PJA2: variants seen among roughly 807,000 people sequenced by gnomAD.
The protein encoded by PJA2 is E3 ubiquitin-protein ligase Praja-2.
PJA2 carries 25 observed loss-of-function variants against 69.3 expected under a neutral mutation model. The ratio of observed to expected loss-of-function variants is 0.36; its 90% CI spans 0.26 to 0.50. The LOEUF is 0.50. Among genes scored for constraint, PJA2 ranks in the 20% least tolerant of loss-of-function variants. PJA2 has a pLI of 0.96. For missense variants in PJA2, 809 were observed against 830.2 expected (o/e 0.97, Z 0.31); for synonymous variants, 308 against 277.8 (o/e 1.11, Z -1.08).
chr5:109,383,716 T>C (rs768591517), intron 1 of PJA2, among the ~76,000 whole-genome samples, 196 bp from the exon 2 acceptor site: 2 of 152,174 alleles, frequency 1.3e-5, no homozygotes, highest in African/African-American at 2.4e-5. Flanking sequence ...CAAATCAGTT[T>C]GAGCTCAGGA....
rs1762287103 is a variant in PJA2, at chr5:109,353,013, TATATCTATAGATATCTATATATTAGATAC to T, written c.1764+2873_1764+2901del. 3.2e-5 allele frequency among the ~76,000 whole-genome samples: 4 copies of T among 123,846 alleles called. 1 individual carries two copies. The highest frequency in any genetic ancestry group is 9.1e-5 in the African/African-American group (3 of 32,990). The allele number at this position is 123,846 out of a possible 152,430, so 81.2% of individuals were successfully genotyped here. A position where few individuals can be genotyped will look rare whatever the true frequency, so the allele number is the denominator to read the frequency against. Reference sequence around the variant, plus strand: ...TATAGATATCTATATATTAGATACCTATATCTATAGATATCTATATATTAGATACCTATATCATAGACATCTATATATTA... The same window carrying T: ...TATAGATATCTATATATTAGATACCTCTATATCATAGACATCTATATATTA... On this transcript the variant is annotated intron_variant, in intron 7 of 9. Coordinates refer to ENST00000361189, the MANE Select transcript of PJA2 (RefSeq NM_014819.5).
At chr5:109,376,337 C>T (rs1746887269) in intron 4 of PJA2, among the ~76,000 whole-genome samples, 3 of 146,636 alleles carry the variant, frequency 2.0e-5, no homozygotes, top group South Asian at 2.1e-4. Context: ...ATAAGAATTA[C>T]AAATAACTAA....
At chr5:109,404,073 A>AAAC (rs139131450) in intron 1 of PJA2, among the ~76,000 whole-genome samples, 112 of 150,394 alleles carry the variant, frequency 7.4e-4, no homozygotes, top group East Asian at 3.9e-3. Context: ...TCCATCTCAA[A>AAAC]AACAACAACA....
chr5:109,386,328 T>C (rs1235336502), intron 1 of PJA2, among the ~76,000 whole-genome samples: 1 of 152,094 alleles, frequency 6.6e-6, no homozygotes, highest in Non-Finnish European at 1.5e-5. Flanking sequence ...CACTGACCAC[T>C]TAGCAACATG....
intron 9 of PJA2, among the ~76,000 whole-genome samples, chr5:109,340,769 G>A (rs560474790): frequency 0.035 from 3,551 of 100,320 alleles, 161 homozygotes; most frequent in Non-Finnish European, 0.045. Flanking sequence ...TCCTGCCTCA[G>A]CCTGCCCAGT....
In PJA2 at chr5:109,335,683, A is replaced by T. The variant is rs1761926971; in HGVS notation, c.*1548T>A. On this transcript the variant is annotated 3_prime_UTR_variant, in exon 10 of 10. Coordinates refer to ENST00000361189, the MANE Select transcript of PJA2 (RefSeq NM_014819.5). ...ATCATTAATGAAATATGATATGGAA[A>T]GATCACAGAGTAGAAAACAAGCAAA... is the stretch of plus-strand genomic sequence containing the variant. 1 of 152,410 alleles carries T rather than the reference A, an allele frequency of 6.6e-6. No homozygotes were observed. The highest frequency in any genetic ancestry group is 2.4e-5 in the African/African-American group (1 of 41,460). 9.4% of individuals were successfully genotyped at this position (152,410 alleles called of 1,614,324 possible). A position where few individuals can be genotyped will look rare whatever the true frequency, so the allele number is the denominator to read the frequency against.
intron 9 of PJA2, 107 bp downstream of exon 9, chr5:109,344,083 G>A: frequency 2.3e-6 from 2 of 854,570 alleles, no homozygotes. Context: ...GGTGACAAGA[G>A]CGAAACTTTG....
chr5:109,343,558 A>G (rs895226745), intron 9 of PJA2, among the ~76,000 whole-genome samples: 2 of 152,074 alleles, frequency 1.3e-5, no homozygotes, highest in African/African-American at 4.8e-5. Context: ...TTTTGAAAAC[A>G]CCAAATTTCA....
At position 109,344,691 on chromosome 5, in the gene PJA2, A is replaced by T. The variant is rs1762145149; in HGVS notation, c.1879+14T>A. The T allele has an allele frequency of 6.5e-7, 1 of 1,533,422 alleles. No individual in the cohort carries two copies. Among genetic ancestry groups the T allele is most frequent in the African/African-American group, 1.4e-5 (1 of 73,354 alleles). The allele number at this position is 1,533,422 out of a possible 1,614,324, so 95.0% of individuals were successfully genotyped here. A position where few individuals can be genotyped will look rare whatever the true frequency, so the allele number is the denominator to read the frequency against. Reference sequence around the variant, plus strand: ...AATGTGTTCTTCAACATTTGAGATCAACTTTGCCCTTACCAGTGTGATCTT... The same window carrying T: ...AATGTGTTCTTCAACATTTGAGATCTACTTTGCCCTTACCAGTGTGATCTT... On this transcript the variant is annotated intron_variant, in intron 8 of 9. Transcript: ENST00000361189.
chr5:109,391,022 C>T (rs548124622), intron 1 of PJA2, among the ~76,000 whole-genome samples: 23 of 152,208 alleles, frequency 1.5e-4, no homozygotes, highest in Middle Eastern at 3.4e-3. Context: ...AATGGGGTTA[C>T]GCCCTGACAA....
At chr5:109,396,121 T>C (rs1177507760) in intron 1 of PJA2, among the ~76,000 whole-genome samples, 1 of 152,098 alleles carries the variant, frequency 6.6e-6, no homozygotes, top group African/African-American at 2.4e-5. Flanking sequence ...AGCAAGCCAT[T>C]ACAGCAATAT....
intron 1 of PJA2, among the ~76,000 whole-genome samples, chr5:109,389,626 ATAC>A (rs1490671042): frequency 2.6e-5 from 4 of 151,730 alleles, no homozygotes; most frequent in African/African-American, 9.7e-5. Flanking sequence ...TTCTACTTTT[ATAC>A]TATTTCCTTC....
chr5:109,399,930 A>T (rs1747501805), intron 1 of PJA2, among the ~76,000 whole-genome samples: 1 of 152,194 alleles, frequency 6.6e-6, no homozygotes, highest in South Asian at 2.1e-4. Flanking sequence ...AAAAACAGTT[A>T]ACAGAAATGA....
chr5:109,381,760 C>G (rs1043281191), intron 2 of PJA2, 57 bp from the exon 3 acceptor site: 1 of 1,469,304 alleles, frequency 6.8e-7, no homozygotes, highest in Admixed American at 1.8e-5. Context: ...ATTCTTGCAA[C>G]CTGTTGGGGA....
intron 4 of PJA2, among the ~76,000 whole-genome samples, chr5:109,371,532 T>C (rs1039272585): frequency 5.3e-5 from 8 of 152,228 alleles, no homozygotes; most frequent in Non-Finnish European, 1.2e-4. Flanking sequence ...TCTCCTAAAA[T>C]GTAAAACCCT....
intron 6 of PJA2, among the ~76,000 whole-genome samples, chr5:109,357,543 A>T (rs1762433376): frequency 1.3e-5 from 2 of 152,208 alleles, no homozygotes; most frequent in Admixed American, 1.3e-4. Flanking sequence ...TAGCAGTAAG[A>T]TGTAGTACAA....
chr5:109,400,696 A>G (rs865854678), intron 1 of PJA2, among the ~76,000 whole-genome samples: 2 of 152,028 alleles, frequency 1.3e-5, no homozygotes, highest in Admixed American at 6.6e-5. Flanking sequence ...AACGAATGAT[A>G]TGGCCGGGCA....
chr5:109,339,735 T>A (rs1762009189), intron 9 of PJA2, among the ~76,000 whole-genome samples: 1 of 152,218 alleles, frequency 6.6e-6, no homozygotes. Context: ...TAGTAATAAG[T>A]TTACCATTAC....
At chr5:109,368,949 T>C (rs770482880) in intron 4 of PJA2, among the ~76,000 whole-genome samples, 2 of 152,064 alleles carry the variant, frequency 1.3e-5, no homozygotes, top group Non-Finnish European at 2.9e-5. Context: ...CATTATCCCC[T>C]TGGTACTGTT....
Sources: allele counts gnomAD v4.1 joint callset (sites outside exome capture counted in the v4.1 genomes callset), GRCh38; gene constraint gnomAD v4.1.1; transcripts MANE v1.5; gene names NCBI Gene and HGNC (gene_info 2026-07-23, HGNC 2026-07-21).